Variants in PTPRN2 observed in about 807,000 individuals in gnomAD.
The protein encoded by PTPRN2 is receptor-type tyrosine-protein phosphatase N2.
PTPRN2 carries 74 observed loss-of-function variants against 118.8 expected under a neutral mutation model. That is an observed-to-expected ratio of 0.62 (90% CI 0.52 to 0.76). The LOEUF (loss-of-function observed/expected upper bound fraction) is 0.76, where lower values mean the gene tolerates loss of function less well. Ranked by LOEUF, PTPRN2 falls within the 30% of genes least tolerant of loss-of-function variation. PTPRN2 has a pLI of 0.00. For synonymous variants in PTPRN2, 641 were observed against 608.0 expected, an observed-to-expected ratio of 1.05 and a Z score of -0.80; for missense variants, 1,481 against 1,394.4, an observed-to-expected ratio of 1.06 and a Z score of -0.99.
intron 11 of PTPRN2, among the ~76,000 whole-genome samples, chr7:157,920,092 C>T (rs545758931): frequency 1.2e-4 from 18 of 152,220 alleles, no homozygotes; most frequent in South Asian, 6.2e-4. Flanking sequence ...GCTCGCACAA[C>T]GACGAAATTG....
intron 21 of PTPRN2, among the ~76,000 whole-genome samples, chr7:157,553,846 CAGA>C (rs1162643805): frequency 2.0e-5 from 3 of 152,222 alleles, no homozygotes; most frequent in African/African-American, 7.2e-5. Flanking sequence ...GTGGTGGAGA[CAGA>C]AGCTTTCATA....
chr7:157,847,885 C>G (rs1808977500), intron 12 of PTPRN2, among the ~76,000 whole-genome samples: 4 of 150,382 alleles, frequency 2.7e-5, no homozygotes, highest in Admixed American at 6.6e-5. Context: ...ATCATGTGTG[C>G]CCGATGTTTA....
intron 17 of PTPRN2, among the ~76,000 whole-genome samples, chr7:157,592,561 A>G (rs569272715): frequency 4.7e-5 from 7 of 150,332 alleles, no homozygotes; most frequent in Admixed American, 4.6e-4. Flanking sequence ...CACAGGACGG[A>G]GGGTGGATGT....
chr7:158,223,615 C>T (rs372700864), intron 3 of PTPRN2, among the ~76,000 whole-genome samples: 17 of 152,152 alleles, frequency 1.1e-4, no homozygotes, highest in African/African-American at 4.1e-4. Flanking sequence ...ATTCAACACT[C>T]ATTCATGAAG....
intron 2 of PTPRN2, among the ~76,000 whole-genome samples, chr7:158,442,817 C>CT (rs1380582242): frequency 1.3e-5 from 2 of 152,110 alleles, no homozygotes; most frequent in Non-Finnish European, 1.5e-5. Context: ...TGTATGTTTC[C>CT]TTTTTTGTCA....
In PTPRN2 at chr7:157,929,986, G is replaced by A. The variant is rs1475012633; in HGVS notation, c.1724-31249C>T. Among the ~76,000 whole-genome samples, 1 of 152,204 alleles carries A rather than the reference G, an allele frequency of 6.6e-6. No individual in the cohort carries two copies. Among genetic ancestry groups the A allele is most frequent in the African/African-American group, 2.4e-5 (1 of 41,460 alleles). On this transcript the variant is annotated intron_variant, in intron 11 of 22. Coordinates refer to ENST00000389418, the MANE Select transcript of PTPRN2 (RefSeq NM_002847.5). The surrounding 1 kb of genome is among the most constrained non-coding windows in gnomAD (Gnocchi z 4.4). The stretch of plus-strand genomic sequence containing the variant: ...CCTAGACACCCGTCCCAGCTCAGAC[G>A]CTCAGCTCTGGGCCATCACCCGTCG...
chr7:158,515,042 C>T (rs1245989504), intron 1 of PTPRN2, among the ~76,000 whole-genome samples: 3 of 152,192 alleles, frequency 2.0e-5, no homozygotes, highest in Non-Finnish European at 2.9e-5. Context: ...CGAACATTTA[C>T]GATGACAAAG....
intron 9 of PTPRN2, among the ~76,000 whole-genome samples, chr7:158,122,438 G>T (rs1363167070): frequency 2.0e-5 from 3 of 152,188 alleles, no homozygotes; most frequent in African/African-American, 7.2e-5. Flanking sequence ...CACAGTGCTG[G>T]GTCTTCCGTG....
chr7:158,366,075 ACACAC>A (rs1809472102), intron 2 of PTPRN2, among the ~76,000 whole-genome samples: 1 of 144,438 alleles, frequency 6.9e-6, no homozygotes. Flanking sequence ...ACGCGTGCAC[ACACAC>A]ACGCACACAC....
intron 1 of PTPRN2, among the ~76,000 whole-genome samples, chr7:158,505,421 C>G (rs1341966131): frequency 6.6e-6 from 1 of 152,116 alleles, no homozygotes; most frequent in Non-Finnish European, 1.5e-5. Flanking sequence ...CCAGGCCATT[C>G]CTTCTCTACA....
chr7:157,584,169 G>T (rs1390986924), intron 17 of PTPRN2, among the ~76,000 whole-genome samples: 1 of 152,156 alleles, frequency 6.6e-6, no homozygotes, highest in Non-Finnish European at 1.5e-5. Flanking sequence ...ATAGTGAAAC[G>T]CCAGGCCATT....
rs1363224020 is a variant in PTPRN2 at position 157,934,408 on chromosome 7, G to A, written c.1724-35671C>T. On this transcript the variant is annotated intron_variant, in intron 11 of 22. Coordinates refer to ENST00000389418, the MANE Select transcript of PTPRN2 (RefSeq NM_002847.5). ...AGTGTGGGCAACTTATCTTTTATGC[G>A]CCTTCAACAAAGCCATGGGAGCAGA... is the stretch of plus-strand genomic sequence containing the variant. Among the ~76,000 whole-genome samples, 12 of 152,244 alleles carry A rather than the reference G, an allele frequency of 7.9e-5. No homozygotes were observed. In the East Asian group the frequency reaches 1.2e-3, roughly 15 times the overall value.
At chr7:157,884,710 T>C (rs1236009581) in intron 12 of PTPRN2, among the ~76,000 whole-genome samples, 2 of 152,166 alleles carry the variant, frequency 1.3e-5, no homozygotes, top group Admixed American at 1.3e-4. Context: ...AACTGCCCTT[T>C]ATAAACCATC....
chr7:158,114,804 TG>T lies in PTPRN2; in HGVS notation c.1557-3890del, dbSNP rs1257290485. Among the ~76,000 whole-genome samples the T allele has an allele frequency of 5.9e-5, 9 of 152,118 alleles. No individual in the cohort carries two copies. In the East Asian group the frequency reaches 1.7e-3, roughly 29 times the overall value. On this transcript the variant is annotated intron_variant, in intron 9 of 22. Coordinates refer to ENST00000389418, the MANE Select transcript of PTPRN2 (RefSeq NM_002847.5). Reference sequence around the variant, plus strand: ...ACCACAGGGCTGAGAGAATGGATCGTGTTACTAGTCTAAGGCACAGAGCGCG... The same window carrying T: ...ACCACAGGGCTGAGAGAATGGATCGTTTACTAGTCTAAGGCACAGAGCGCG...
At chr7:157,746,416 G>A (rs1219244029) in intron 12 of PTPRN2, among the ~76,000 whole-genome samples, 5 of 145,750 alleles carry the variant, frequency 3.4e-5, no homozygotes, top group Admixed American at 6.8e-5. Context: ...CAGTCCACAC[G>A]GAGCCCTGAG....
At position 158,167,081 on chromosome 7, in the gene PTPRN2, G is replaced by C; in HGVS notation, c.760C>G (p.Pro254Ala). The change falls in exon 6 of 23, where the codon CCC becomes GCC. Residue 254 changes from proline to alanine, a missense_variant. By Grantham distance (27) the Pro-to-Ala change is conservative. Coordinates refer to ENST00000389418, the MANE Select transcript of PTPRN2 (RefSeq NM_002847.5). Reference sequence around the variant, plus strand: ...CTGCCCTCCCCGGGGGGAGCTGGGGGCCTCTGGGCAGCATAGGCACTGAGG... The same window carrying C: ...CTGCCCTCCCCGGGGGGAGCTGGGGCCCTCTGGGCAGCATAGGCACTGAGG... ...AALSAYAAQR[P>A]PAPPGEGSLE... 1 of 1,602,846 alleles carries C rather than the reference G, an allele frequency of 6.2e-7. No individual in the cohort carries two copies. Among genetic ancestry groups the C allele is most frequent in the Non-Finnish European group, 8.5e-7 (1 of 1,173,584 alleles).
At chr7:158,262,419 CACACACAT>C (rs1445418064) in intron 3 of PTPRN2, among the ~76,000 whole-genome samples, 1 of 145,084 alleles carries the variant, frequency 6.9e-6, no homozygotes, top group Non-Finnish European at 1.5e-5. Flanking sequence ...TACATACATT[CACACACAT>C]ACACACATTC....
rs902484230 is a variant in PTPRN2 at position 157,977,221 on chromosome 7, G to A, written c.1724-78484C>T. Among the ~76,000 whole-genome samples the A allele has an allele frequency of 2.0e-5, 3 of 151,960 alleles. No homozygotes were observed. Among genetic ancestry groups the A allele is most frequent in the Admixed American group, 6.6e-5 (1 of 15,256 alleles). ...CCGTTCCAGCACCGGGGACTCCCTG[G>A]TGTGACCCACAGGTAGGGTGGCTGT... On this transcript the variant is annotated intron_variant, in intron 11 of 22. Transcript: ENST00000389418. This position sits in a 1 kb window ranked among gnomAD's most constrained non-coding sequence, Gnocchi z 4.6.
chr7:157,748,246 G>A (rs1175270785), intron 12 of PTPRN2, among the ~76,000 whole-genome samples: 1 of 147,368 alleles, frequency 6.8e-6, no homozygotes, highest in Non-Finnish European at 1.5e-5. Flanking sequence ...CCTGAGGTAG[G>A]AGCTGCCCGG....
Sources: allele counts gnomAD v4.1 joint callset (sites outside exome capture counted in the v4.1 genomes callset), GRCh38; gene constraint gnomAD v4.1.1; non-coding constraint Gnocchi (gnomAD v3.1); transcripts MANE v1.5; gene names NCBI Gene and HGNC (gene_info 2026-07-23, HGNC 2026-07-21).